Variants in ALG9 observed in about 807,000 individuals in gnomAD.
ALG9 encodes alpha-1,2-mannosyltransferase ALG9.
ALG9 carries 55 observed loss-of-function variants against 81.8 expected under a neutral mutation model. That is an observed-to-expected ratio of 0.67 (90% CI 0.54 to 0.84). The LOEUF is 0.84. ALG9 is among the 40% of genes least tolerant of loss of function. The pLI is 0.00. For missense variants in ALG9, 629 were observed against 745.0 expected, an observed-to-expected ratio of 0.84 and a Z score of 1.81; for synonymous variants, 278 against 274.3, an observed-to-expected ratio of 1.01 and a Z score of -0.13.
the ALG9 span, among the ~76,000 whole-genome samples, chr11:111,776,734 T>C: frequency 1.3e-5 from 2 of 152,228 alleles, no homozygotes; most frequent in East Asian, 1.9e-4. Flanking sequence ...AGAATCCCCT[T>C]CTATATCTGG....
At chr11:111,861,485 T>C (rs1592372939) in intron 4 of ALG9, among the ~76,000 whole-genome samples, 2 of 152,294 alleles carry the variant, frequency 1.3e-5, no homozygotes, top group Admixed American at 1.3e-4. Flanking sequence ...CTCCTCCCAC[T>C]CCGAGATAGA....
intron 13 of ALG9, among the ~76,000 whole-genome samples, chr11:111,822,782 G>A (rs905284725): frequency 6.6e-6 from 1 of 152,064 alleles, no homozygotes; most frequent in Non-Finnish European, 1.5e-5. Context: ...CAGCACTTTG[G>A]GAGGCTGAGG....
rs1946226449 is a variant in ALG9 at position 111,784,148 on chromosome 11, G to A, written c.*2249C>T. The stretch of plus-strand genomic sequence containing the variant: ...TCCTGTAGTCAGATCATATGTGCTA[G>A]TTTTACACTGGAAAATAGTAATCAA... On this transcript the variant is annotated 3_prime_UTR_variant, in exon 15 of 15. Transcript: ENST00000616540. 6.6e-6 allele frequency: 1 copy of A among 152,220 alleles called. No individual in the cohort carries two copies. Among genetic ancestry groups the A allele is most frequent in the Non-Finnish European group, 1.5e-5 (1 of 68,048 alleles). The allele number at this position is 152,220 out of a possible 1,614,324, so 9.4% of individuals were successfully genotyped here.
intron 8 of ALG9, among the ~76,000 whole-genome samples, chr11:111,850,031 T>C (rs2137004654): frequency 1.3e-5 from 2 of 152,294 alleles, no homozygotes; most frequent in Middle Eastern, 6.8e-3. Context: ...TCTGACAATT[T>C]TACTGCCTCA....
chr11:111,871,516 A>C lies in ALG9; in HGVS notation c.-34T>G. On this transcript the variant is annotated 5_prime_UTR_variant, in exon 1 of 15. The change abolishes the stop of an existing upstream ORF in the 5' untranslated region. Coordinates refer to ENST00000616540, the MANE Select transcript of ALG9 (RefSeq NM_024740.2). The stretch of plus-strand genomic sequence containing the variant: ...TGGGGAAAAAAGAATTCGGCACCCT[A>C]TGAAGTCGGTGAGCGCGCAGACATA... The C allele has an allele frequency of 1.3e-6, 2 of 1,535,562 alleles. No individual in the cohort carries two copies.
chr11:111,871,507 C>G lies in ALG9; in HGVS notation c.-25G>C, dbSNP rs1555159151. On this transcript the variant is annotated 5_prime_UTR_variant, in exon 1 of 15. Coordinates refer to ENST00000616540, the MANE Select transcript of ALG9 (RefSeq NM_024740.2). ...TGGCAAGCCTGGGGAAAAAAGAATT[C>G]GGCACCCTATGAAGTCGGTGAGCGC... The G allele has an allele frequency of 1.3e-6, 2 of 1,535,448 alleles. No individual in the cohort carries two copies. The highest frequency in any genetic ancestry group is 1.4e-5 in the African/African-American group (1 of 72,976).
At chr11:111,843,479 C>T in intron 9 of ALG9, among the ~76,000 whole-genome samples, 1 of 152,040 alleles carries the variant, frequency 6.6e-6, no homozygotes. Context: ...AGTCCTAACA[C>T]CAAAGAAAAG....
the ALG9 span, among the ~76,000 whole-genome samples, chr11:111,772,067 C>T: frequency 1.7e-4 from 26 of 152,330 alleles, no homozygotes; most frequent in Non-Finnish European, 3.5e-4. Context: ...CCACATATAA[C>T]AAAGGTATTG....
chr11:111,850,863 T>G (rs1957693742), intron 8 of ALG9, among the ~76,000 whole-genome samples: 1 of 152,062 alleles, frequency 6.6e-6, no homozygotes, highest in South Asian at 2.1e-4. Context: ...ATGCCAATTC[T>G]CTCTGTTTCA....
At chr11:111,841,609 G>A (rs995476870) in intron 9 of ALG9, among the ~76,000 whole-genome samples, 1 of 152,208 alleles carries the variant, frequency 6.6e-6, no homozygotes, top group Non-Finnish European at 1.5e-5. Context: ...GAGTGATAAT[G>A]AGCAACGCAA....
At chr11:111,834,377 A>C (rs1954876814) in intron 13 of ALG9, among the ~76,000 whole-genome samples, 2 of 152,190 alleles carry the variant, frequency 1.3e-5, no homozygotes, top group South Asian at 4.1e-4. Context: ...GGAAACAATA[A>C]AAAGAAGGAA....
At chr11:111,795,647 C>T (rs2136264648) in intron 14 of ALG9, among the ~76,000 whole-genome samples, 1 of 152,286 alleles carries the variant, frequency 6.6e-6, no homozygotes, top group South Asian at 2.1e-4. Context: ...TCCAAAAATA[C>T]ATTATGTGTA....
chr11:111,775,382 C>A, the ALG9 span, among the ~76,000 whole-genome samples: 3 of 152,268 alleles, frequency 2.0e-5, no homozygotes, highest in South Asian at 6.2e-4. Context: ...CGGCAGAAAT[C>A]CAGCTGGGAC....
In ALG9 at chr11:111,870,264, C is replaced by G. The variant is rs1207603226; in HGVS notation, c.238G>C (p.Asp80His). 6.2e-7 allele frequency: 1 copy of G among 1,610,300 alleles called. No individual in the cohort carries two copies. Among genetic ancestry groups the G allele is most frequent in the African/African-American group, 1.3e-5 (1 of 74,308 alleles). ...LCAALLSNIS[D>H]CDETFNYWEP... ...CAGTAGTTGAATGTTTCATCACAGT[C>G]AGAGATGTTGCTCAGGAGAGCAGCA... Residue 80 changes from aspartate to histidine, a missense_variant, in exon 2 of 15, where the codon GAC (aspartate) becomes CAC (histidine). Coordinates refer to ENST00000616540, the MANE Select transcript of ALG9 (RefSeq NM_024740.2).
downstream of ALG9, among the ~76,000 whole-genome samples, chr11:111,778,560 G>A (rs1241443199): frequency 6.6e-6 from 1 of 152,162 alleles, no homozygotes; most frequent in African/African-American, 2.4e-5. Context: ...AGGCCTAGAT[G>A]AAGGCCTGGG....
rs1555158814 is a variant in ALG9 at position 111,871,388 on chromosome 11, C to T, written c.95G>A (p.Gly32Asp). The change falls in exon 1 of 15, where the codon GGC becomes GAC. Residue 32 changes from glycine to aspartate, a missense_variant. Transcript: ENST00000616540. ...PAADKLRELL[G>D]SREAGGAEHR... is the part of the protein sequence containing the mutation. Reference sequence around the variant, plus strand: ...CTCCGCGCCGCCCGCCTCTCGGCTGCCCAGCAGCTCCCGCAGCTTGTCCGC... The same window carrying T: ...CTCCGCGCCGCCCGCCTCTCGGCTGTCCAGCAGCTCCCGCAGCTTGTCCGC... The T allele has an allele frequency of 3.9e-6, 6 of 1,534,178 alleles. No homozygotes were observed. The highest frequency in any genetic ancestry group is 4.4e-6 in the Non-Finnish European group (5 of 1,146,086).
At chr11:111,778,801 A>G (rs1390568427), downstream of ALG9, among the ~76,000 whole-genome samples, 9 of 148,966 alleles carry the variant, frequency 6.0e-5, no homozygotes, top group African/African-American at 2.2e-4. Context: ...GATAGTGGCA[A>G]TTTTCTTTTC....
intron 13 of ALG9, among the ~76,000 whole-genome samples, chr11:111,817,049 A>G (rs1477909596): frequency 6.6e-6 from 1 of 152,224 alleles, no homozygotes; most frequent in African/African-American, 2.4e-5. Flanking sequence ...ATAAAGGAGC[A>G]TGGTTGACAG....
chr11:111,860,451 G>T, intron 5 of ALG9, 96 bp downstream of exon 5: 2 of 1,013,482 alleles, frequency 2.0e-6, no homozygotes, highest in South Asian at 1.3e-5. Flanking sequence ...TCCTTTAAAT[G>T]CAACTGTGAA....
Sources: gnomAD v4.1 joint callset for allele counts (sites outside exome capture counted in the v4.1 genomes callset) on GRCh38, gnomAD v4.1.1 for gene constraint, MANE v1.5 for transcripts, NCBI Gene and HGNC (gene_info 2026-07-23, HGNC 2026-07-21) for gene names.